The following MYLK variants were observed in gnomAD, a reference collection of about 807,000 sequenced individuals.
MYLK encodes myosin light chain kinase.
Under a neutral mutation model 203.4 loss-of-function variants are expected in MYLK, and 106 were observed. The ratio of observed to expected loss-of-function variants is 0.52; its 90% CI spans 0.45 to 0.61. The LOEUF (loss-of-function observed/expected upper bound fraction) is 0.61. MYLK is among the 20% of genes least tolerant of loss of function. The pLI is 0.00. For synonymous variants in MYLK, 867 were observed against 959.5 expected (o/e 0.90, Z 1.78); for missense variants, 2,072 against 2,442.3 (o/e 0.85, Z 3.20).
At chr3:123,761,120 G>A (rs2063520154) in intron 4 of MYLK, among the ~76,000 whole-genome samples, 1 of 152,200 alleles carries the variant, frequency 6.6e-6, no homozygotes, top group South Asian at 2.1e-4. Context: ...CAGTAGGAAT[G>A]GAGTGGAGGG....
chr3:123,770,145 T>C (rs1052353928), intron 4 of MYLK, among the ~76,000 whole-genome samples: 22 of 137,728 alleles, frequency 1.6e-4, no homozygotes, highest in Admixed American at 6.4e-4. Flanking sequence ...ACCCTGTCTC[T>C]ACTAAAAATA....
At chr3:123,735,445 T>C (rs771347615) in intron 8 of MYLK, 29 bp from the exon 9 acceptor site, 1 of 1,613,966 alleles carries the variant, frequency 6.2e-7, no homozygotes, top group East Asian at 2.2e-5. Flanking sequence ...GTGGAAAGAC[T>C]GTTAGTAGAA....
Position 123,739,999 on chromosome 3 carries a change from T to C in MYLK, c.376A>G (p.Ser126Gly), listed in dbSNP as rs754859097. The change falls in exon 6 of 34, where the codon AGT (serine) becomes GGT (glycine). Residue 126 changes from serine to glycine, a missense_variant and splice_region_variant. Ser to Gly is a moderately conservative substitution (Grantham distance 56). Coordinates refer to ENST00000360304, the MANE Select transcript of MYLK (RefSeq NM_053025.4). ...QVTVELTVEGSFAKQLGQPVV... is the reference protein window; with the variant it reads ...QVTVELTVEGGFAKQLGQPVV... ...GGCTGACCAAGCTGCTTCGCAAAAC[T>C]TCCTGCAAGAAAAAGAGTTGATGAG... 4 of 1,613,890 alleles carry C rather than the reference T, an allele frequency of 2.5e-6. No homozygotes were observed. The highest frequency in any genetic ancestry group is 2.2e-5 in the South Asian group (2 of 91,062).
At chr3:123,726,597 A>T (rs375358567) in intron 11 of MYLK, among the ~76,000 whole-genome samples, 4 of 152,164 alleles carry the variant, frequency 2.6e-5, no homozygotes, top group African/African-American at 9.7e-5. Context: ...GAACTGAATC[A>T]TAGGACTCAC....
At chr3:123,853,473 G>T (rs2031049414) in intron 2 of MYLK, among the ~76,000 whole-genome samples, 1 of 152,144 alleles carries the variant, frequency 6.6e-6, no homozygotes, top group South Asian at 2.1e-4. Flanking sequence ...AGATGACCTG[G>T]CAACATTTGC....
chr3:123,680,074 G>A (rs115451798), intron 20 of MYLK, among the ~76,000 whole-genome samples: 12,147 of 152,226 alleles, frequency 0.08, 519 homozygotes, highest in Middle Eastern at 0.14. Flanking sequence ...AAGCCTGTGC[G>A]GCAGTGGTTT....
intron 2 of MYLK, among the ~76,000 whole-genome samples, chr3:123,845,841 C>T (rs762718278): frequency 6.6e-6 from 1 of 152,074 alleles, no homozygotes; most frequent in African/African-American, 2.4e-5. Flanking sequence ...TAAAAAATTC[C>T]ACCACCTCCC....
chr3:123,872,091 T>G (rs1171168188), intron 2 of MYLK, among the ~76,000 whole-genome samples: 1 of 152,040 alleles, frequency 6.6e-6, no homozygotes, highest in Non-Finnish European at 1.5e-5. Flanking sequence ...CTGCAGCCTG[T>G]TTTTGTAAAT....
rs377332052 is a variant in MYLK at position 123,856,885 on chromosome 3, G to T, written c.-127+19674C>A. Among the ~76,000 whole-genome samples, 982 of 151,900 alleles carry T rather than the reference G, an allele frequency of 6.5e-3. 9 individuals carry two copies. The highest frequency in any genetic ancestry group is 0.02 in the African/African-American group (829 of 41,408). On this transcript the variant is annotated intron_variant, in intron 2 of 33. Coordinates refer to ENST00000360304, the MANE Select transcript of MYLK (RefSeq NM_053025.4). ...ACCTACAAAATGGGATAAAATTTTC[G>T]CAACCTACTCATCTGACAAAGGGCT...
chr3:123,731,726 G>T (rs2062482260), intron 11 of MYLK, among the ~76,000 whole-genome samples: 1 of 151,402 alleles, frequency 6.6e-6, no homozygotes, highest in South Asian at 2.1e-4. Context: ...AATATAAAAA[G>T]CCATATCATT....
intron 5 of MYLK, among the ~76,000 whole-genome samples, chr3:123,741,084 C>T (rs1484197796): frequency 6.6e-6 from 1 of 152,186 alleles, no homozygotes; most frequent in East Asian, 1.9e-4. Flanking sequence ...TTATAAAACC[C>T]TATCCCAGGG....
At chr3:123,661,062 G>A (rs1395181572) in intron 23 of MYLK, among the ~76,000 whole-genome samples, 1 of 152,160 alleles carries the variant, frequency 6.6e-6, no homozygotes, top group Non-Finnish European at 1.5e-5. Flanking sequence ...CTCCCAGGAC[G>A]GCATTTAACA....
chr3:123,681,864 C>A (rs141249500), intron 20 of MYLK: 2 of 342,490 alleles, frequency 5.8e-6, no homozygotes, highest in South Asian at 2.8e-5. Flanking sequence ...CCAGAAAGAG[C>A]CCCTGGGAGG....
intron 20 of MYLK, among the ~76,000 whole-genome samples, chr3:123,669,615 C>T (rs1220209890): frequency 6.6e-6 from 1 of 151,726 alleles, no homozygotes; most frequent in Non-Finnish European, 1.5e-5. Flanking sequence ...TAGAGGGTAT[C>T]CTGTGTGCAA....
chr3:123,665,976 T>TC (rs1412067013), intron 22 of MYLK, among the ~76,000 whole-genome samples: 1 of 152,188 alleles, frequency 6.6e-6, no homozygotes, highest in Non-Finnish European at 1.5e-5. Flanking sequence ...TTTCTACTTT[T>TC]CCCCTCACAC....
intron 12 of MYLK, among the ~76,000 whole-genome samples, chr3:123,723,780 G>A (rs930564600): frequency 6.6e-6 from 1 of 152,190 alleles, no homozygotes; most frequent in Non-Finnish European, 1.5e-5. Flanking sequence ...GCTAAGAGTC[G>A]CTGAGAAAAC....
intron 3 of MYLK, among the ~76,000 whole-genome samples, chr3:123,797,257 T>C (rs949369542): frequency 1.3e-5 from 2 of 152,200 alleles, no homozygotes; most frequent in Non-Finnish European, 2.9e-5. Context: ...ATTTATAGCA[T>C]ATAGTATATG....
chr3:123,853,733 T>C lies in MYLK; in HGVS notation c.-126-22063A>G, dbSNP rs568485748. ...ATGAGATCATAGACTTCCAACCTGA[T>C]GCTATAAATAAGACAGAGAGCTTAG... On this transcript the variant is annotated intron_variant, in intron 2 of 33. Coordinates refer to ENST00000360304, the MANE Select transcript of MYLK (RefSeq NM_053025.4). Among the ~76,000 whole-genome samples, 3 of 152,132 alleles carry C rather than the reference T, an allele frequency of 2.0e-5. No individual in the cohort carries two copies. In the South Asian group the frequency reaches 6.2e-4, roughly 32 times the overall value.
chr3:123,742,014 C>T (rs1465207739), intron 5 of MYLK, among the ~76,000 whole-genome samples: 1 of 152,180 alleles, frequency 6.6e-6, no homozygotes, highest in Admixed American at 6.5e-5. Context: ...AGGTCCCACT[C>T]CCCTTCAAAG....
Sources: allele counts gnomAD v4.1 joint callset (sites outside exome capture counted in the v4.1 genomes callset), GRCh38; gene constraint gnomAD v4.1.1; transcripts MANE v1.5; gene names NCBI Gene and HGNC (gene_info 2026-07-23, HGNC 2026-07-21).